Variants in BCKDHB observed in about 807,000 individuals in gnomAD.
The protein encoded by BCKDHB is branched chain keto acid dehydrogenase E1 subunit beta.
BCKDHB carries 41 observed loss-of-function variants against 48.5 expected under a neutral mutation model. The observed-to-expected ratio is 0.85, with a 90% confidence interval of 0.66 to 1.10. BCKDHB has a LOEUF of 1.10. Among genes scored for constraint, BCKDHB ranks in the 50% least tolerant of loss-of-function variants. The pLI is 0.00. For synonymous variants in BCKDHB, 201 were observed against 174.8 expected (o/e 1.15, Z -1.18); for missense variants, 496 against 494.2 (o/e 1.00, Z -0.03).
chr6:80,276,341 C>G (rs1428857116), intron 9 of BCKDHB, among the ~76,000 whole-genome samples: 2 of 151,684 alleles, frequency 1.3e-5, no homozygotes, highest in East Asian at 3.9e-4. Context: ...ATGAACTATG[C>G]TGTTTTATTC....
intron 8 of BCKDHB, among the ~76,000 whole-genome samples, chr6:80,264,234 G>A (rs1777420964): frequency 2.6e-5 from 4 of 152,118 alleles, no homozygotes; most frequent in Non-Finnish European, 5.9e-5. Flanking sequence ...GAGTTAACTC[G>A]TCTTTGCTTC....
intron 9 of BCKDHB, among the ~76,000 whole-genome samples, chr6:80,325,672 G>A (rs1406269910): frequency 6.6e-6 from 1 of 152,128 alleles, no homozygotes; most frequent in Non-Finnish European, 1.5e-5. Context: ...TTCTTAACTA[G>A]ACAATGAGCA....
chr6:80,398,871 G>A, the BCKDHB span, among the ~76,000 whole-genome samples: 129 of 152,212 alleles, frequency 8.5e-4, 1 homozygote, highest in East Asian at 0.022. Context: ...AATGAATCCA[G>A]TAGCACATCC....
chr6:80,296,092 A>C (rs1400876696), intron 9 of BCKDHB, among the ~76,000 whole-genome samples: 1 of 152,162 alleles, frequency 6.6e-6, no homozygotes, highest in East Asian at 1.9e-4. Context: ...CATGCAGTTA[A>C]CTCCTGTTCT....
intron 8 of BCKDHB, among the ~76,000 whole-genome samples, chr6:80,248,047 T>C (rs1776685931): frequency 6.6e-6 from 1 of 152,216 alleles, no homozygotes; most frequent in East Asian, 1.9e-4. Flanking sequence ...AAACTTCAAC[T>C]CTATTTGAAT....
At chr6:80,203,596 C>T (rs1221873480) in intron 8 of BCKDHB, among the ~76,000 whole-genome samples, 3 of 151,972 alleles carry the variant, frequency 2.0e-5, no homozygotes, top group African/African-American at 7.2e-5. Context: ...AGTGATTTGG[C>T]TGAATTTTCA....
the BCKDHB span, among the ~76,000 whole-genome samples, chr6:80,410,024 G>A: frequency 1.3e-5 from 2 of 152,048 alleles, no homozygotes; most frequent in Non-Finnish European, 2.9e-5. Flanking sequence ...ATTAATTGAT[G>A]CAGTTTCTTC....
chr6:80,225,912 C>T (rs202112456), intron 8 of BCKDHB, among the ~76,000 whole-genome samples: 2 of 152,176 alleles, frequency 1.3e-5, no homozygotes, highest in South Asian at 4.1e-4. Flanking sequence ...CAACCATTCA[C>T]CTGTTTCCTT....
chr6:80,376,160 C>A, the BCKDHB span, among the ~76,000 whole-genome samples: 1 of 152,050 alleles, frequency 6.6e-6, no homozygotes, highest in African/African-American at 2.4e-5. Flanking sequence ...TGAGCTCAGA[C>A]TCTCTGGGTG....
chr6:80,131,886 C>T (rs1329115487), intron 3 of BCKDHB, among the ~76,000 whole-genome samples: 1 of 152,124 alleles, frequency 6.6e-6, no homozygotes, highest in Non-Finnish European at 1.5e-5. Flanking sequence ...TGTGATCCAC[C>T]TGCCTCGGCC....
At chr6:80,119,489 T>C (rs1193631646) in intron 1 of BCKDHB, among the ~76,000 whole-genome samples, 1 of 152,080 alleles carries the variant, frequency 6.6e-6, no homozygotes, top group African/African-American at 2.4e-5. Flanking sequence ...GGGCTAATTT[T>C]TTGTATTTTT....
At chr6:80,330,902 A>G (rs1248568154) in intron 9 of BCKDHB, among the ~76,000 whole-genome samples, 1 of 152,122 alleles carries the variant, frequency 6.6e-6, no homozygotes, top group African/African-American at 2.4e-5. Flanking sequence ...TATGTCACAA[A>G]TTTTACCTTG....
chr6:80,379,683 A>G, the BCKDHB span, among the ~76,000 whole-genome samples: 1 of 152,060 alleles, frequency 6.6e-6, no homozygotes, highest in African/African-American at 2.4e-5. Flanking sequence ...ACACAACCAT[A>G]TACTTAGAAA....
At chr6:80,362,764 A>C in the BCKDHB span, among the ~76,000 whole-genome samples, 1 of 152,196 alleles carries the variant, frequency 6.6e-6, no homozygotes, top group South Asian at 2.1e-4. Context: ...TGGACCTCAC[A>C]GTTTTAAATA....
chr6:80,218,722 C>T (rs1230160080), intron 8 of BCKDHB, among the ~76,000 whole-genome samples: 1 of 152,030 alleles, frequency 6.6e-6, no homozygotes, highest in Non-Finnish European at 1.5e-5. Context: ...ATGTTAATGC[C>T]CTCTACTCCT....
chr6:80,398,660 C>T, the BCKDHB span, among the ~76,000 whole-genome samples: 21 of 149,390 alleles, frequency 1.4e-4, no homozygotes, highest in Admixed American at 4.0e-4. Flanking sequence ...ACCAGATGTA[C>T]AACAAAGAGC....
intron 8 of BCKDHB, among the ~76,000 whole-genome samples, chr6:80,237,227 G>A (rs937919223): frequency 6.6e-6 from 1 of 152,126 alleles, no homozygotes; most frequent in African/African-American, 2.4e-5. Context: ...ATGGAAGGTG[G>A]CCTTAGGAAA....
chr6:80,259,008 G>A (rs1777177422), intron 8 of BCKDHB, among the ~76,000 whole-genome samples: 1 of 152,122 alleles, frequency 6.6e-6, no homozygotes, highest in Non-Finnish European at 1.5e-5. Flanking sequence ...AGATGTCCTG[G>A]CATGGGGAGT....
At chr6:80,316,589 T>G (rs925414577) in intron 9 of BCKDHB, among the ~76,000 whole-genome samples, 1 of 152,242 alleles carries the variant, frequency 6.6e-6, no homozygotes, top group East Asian at 1.9e-4. Flanking sequence ...GAGAAAATTA[T>G]GAAATCAAGG....
Sources: gnomAD v4.1 joint callset for allele counts (sites outside exome capture counted in the v4.1 genomes callset) on GRCh38, gnomAD v4.1.1 for gene constraint, MANE v1.5 for transcripts, NCBI Gene and HGNC (gene_info 2026-07-23, HGNC 2026-07-21) for gene names.